MASP1: variants seen among roughly 807,000 people sequenced by gnomAD.
The protein encoded by MASP1 is MBL associated serine protease 1.
In MASP1, 59 loss-of-function variants were observed where a neutral mutation model predicts 77.1. The ratio of observed to expected loss-of-function variants is 0.77; its 90% CI spans 0.62 to 0.95. MASP1 has a LOEUF of 0.95. Among genes scored for constraint, MASP1 ranks in the 40% least tolerant of loss-of-function variants. MASP1 has a pLI of 0.00. For synonymous variants in MASP1, 362 were observed against 354.5 expected, an observed-to-expected ratio of 1.02 and a Z score of -0.24; for missense variants, 885 against 912.9, an observed-to-expected ratio of 0.97 and a Z score of 0.39.
At chr3:187,258,796 T>C (rs1052768306) in intron 4 of MASP1, among the ~76,000 whole-genome samples, 3 of 152,222 alleles carry the variant, frequency 2.0e-5, no homozygotes, top group African/African-American at 7.2e-5. Flanking sequence ...ATTTGGCTGT[T>C]TCTGTACCTG....
chr3:187,224,315 A>T (rs1682068025), intron 13 of MASP1, among the ~76,000 whole-genome samples: 1 of 150,994 alleles, frequency 6.6e-6, no homozygotes, highest in Non-Finnish European at 1.5e-5. Context: ...AAATGGTCAC[A>T]GTGGTGTTTG....
intron 2 of MASP1, among the ~76,000 whole-genome samples, chr3:187,271,277 A>C (rs768158484): frequency 1.3e-5 from 2 of 152,214 alleles, no homozygotes; most frequent in Non-Finnish European, 2.9e-5. Context: ...TTGACTTTGA[A>C]AGTTATCTGT....
intron 4 of MASP1, among the ~76,000 whole-genome samples, chr3:187,259,081 G>C (rs1325171291): frequency 6.6e-6 from 1 of 152,128 alleles, no homozygotes. Flanking sequence ...TTTACTGCAC[G>C]CGAGAATCCA....
intron 2 of MASP1, among the ~76,000 whole-genome samples, chr3:187,274,063 C>G (rs1046042307): frequency 6.6e-6 from 1 of 152,096 alleles, no homozygotes; most frequent in Non-Finnish European, 1.5e-5. Context: ...CAAAAATTAG[C>G]CGGGCGTCCT....
chr3:187,256,852 T>C lies in MASP1; in HGVS notation c.556A>G (p.Ser186Gly), dbSNP rs1317385863. 2 of 1,613,758 alleles carry C rather than the reference T, an allele frequency of 1.2e-6. No individual in the cohort carries two copies. Among genetic ancestry groups the C allele is most frequent in the African/African-American group, 2.7e-5 (2 of 74,840 alleles). ...TDNRTCRVEC[S>G]DNLFTQRTGV... ...GTCCTTTGAGTGAAGAGGTTGTCAC[T>C]GCACTCCACTGTTGGAAACATAATA... is the stretch of plus-strand genomic sequence containing the variant. The change falls in exon 5 of 11, where the codon AGT (serine) becomes GGT (glycine). Residue 186 changes from serine (S) to glycine (G), a missense_variant. Transcript: ENST00000296280.
chr3:187,235,363 G>T lies in MASP1; in HGVS notation c.*321C>A. 3 of 1,415,224 alleles carry T rather than the reference G, an allele frequency of 2.1e-6. No individual in the cohort carries two copies. The highest frequency in any genetic ancestry group is 2.8e-6 in the Non-Finnish European group (3 of 1,071,176). The allele number at this position is 1,415,224 out of a possible 1,614,324, so 87.7% of individuals were successfully genotyped here. A position where few individuals can be genotyped will look rare whatever the true frequency, so the allele number is the denominator to read the frequency against. The stretch of plus-strand genomic sequence containing the variant: ...GTCAGGAGTGAATAAAGGCCACTGG[G>T]GTAAGAAGCATGGCCTGGAAAGGAG... On this transcript the variant is annotated 3_prime_UTR_variant, in exon 11 of 11. Transcript: ENST00000296280.
At chr3:187,227,003 A>G (rs1712475319) in intron 11 of MASP1, among the ~76,000 whole-genome samples, 2 of 152,226 alleles carry the variant, frequency 1.3e-5, no homozygotes, top group Non-Finnish European at 1.5e-5. Flanking sequence ...CTCTCCAGTA[A>G]TTTGTATGCA....
intron 1 of MASP1, among the ~76,000 whole-genome samples, chr3:187,288,944 A>G (rs922018590): frequency 2.0e-5 from 3 of 152,136 alleles, no homozygotes; most frequent in Admixed American, 6.5e-5. Flanking sequence ...ATCTCCCTTC[A>G]TGTAATGGGC....
chr3:187,274,259 G>GT (rs1716771836), intron 2 of MASP1, among the ~76,000 whole-genome samples: 1 of 152,000 alleles, frequency 6.6e-6, no homozygotes, highest in Admixed American at 6.5e-5. Context: ...CTTGTTCTAT[G>GT]TGGAACTTTC....
intron 2 of MASP1, among the ~76,000 whole-genome samples, chr3:187,285,171 G>A (rs572265115): frequency 6.6e-6 from 1 of 151,698 alleles, no homozygotes; most frequent in African/African-American, 2.4e-5. Context: ...TTTTTTTGTG[G>A]GGGGTTCTCT....
chr3:187,235,633 G>A lies in MASP1; in HGVS notation c.*51C>T, dbSNP rs747349576. ...AGTAATGTGGAGTGTGCTGTCGGAAGTGCGGTGTAGCTTCGCTCAGGGGAG... is the reference window on the plus strand; with the variant it reads ...AGTAATGTGGAGTGTGCTGTCGGAAATGCGGTGTAGCTTCGCTCAGGGGAG... On this transcript the variant is annotated 3_prime_UTR_variant, in exon 11 of 11. Transcript: ENST00000296280. The A allele has an allele frequency of 2.9e-5, 47 of 1,610,060 alleles. No homozygotes were observed. The highest frequency in any genetic ancestry group is 3.6e-5 in the Non-Finnish European group (43 of 1,179,942).
intron 12 of MASP1, among the ~76,000 whole-genome samples, chr3:187,226,004 C>T (rs1712405632): frequency 6.6e-6 from 1 of 152,192 alleles, no homozygotes; most frequent in Admixed American, 6.5e-5. Context: ...ATACTGTGTC[C>T]TTAGATCCTG....
At chr3:187,281,848 A>C (rs1404526918) in intron 2 of MASP1, among the ~76,000 whole-genome samples, 1 of 152,226 alleles carries the variant, frequency 6.6e-6, no homozygotes, top group Non-Finnish European at 1.5e-5. Flanking sequence ...CCTGGGGGCC[A>C]CATGGCATAT....
intron 9 of MASP1, chr3:187,241,823 T>C (rs774533084): frequency 2.5e-5 from 10 of 394,276 alleles, no homozygotes; most frequent in Middle Eastern, 8.1e-4. Flanking sequence ...ACCATCCTAG[T>C]CCTTCTATCA....
At chr3:187,274,064 C>T (rs906277186) in intron 2 of MASP1, among the ~76,000 whole-genome samples, 5 of 152,036 alleles carry the variant, frequency 3.3e-5, no homozygotes, top group East Asian at 1.9e-4. Context: ...AAAAATTAGC[C>T]GGGCGTCCTG....
chr3:187,219,522 T>C (rs2108495947), exon 16 of MASP1: 1 of 162,604 alleles, frequency 6.1e-6, no homozygotes, highest in African/African-American at 2.4e-5. Flanking sequence ...GTTGGGCAAG[T>C]TGCACGGTGG....
rs553373545 is a variant in MASP1 at position 187,282,324 on chromosome 3, C to G, written c.237+3501G>C. Among the ~76,000 whole-genome samples, 12 of 152,018 alleles carry G rather than the reference C, an allele frequency of 7.9e-5. No homozygotes were observed. The East Asian group carries it at 2.3e-3, about 29-fold the overall frequency. ...CCATCCTGGCCAACATGGTGAAACCCCGTCTCTGCTAAAATACAAAAAATT... is the reference window on the plus strand; with the variant it reads ...CCATCCTGGCCAACATGGTGAAACCGCGTCTCTGCTAAAATACAAAAAATT... On this transcript the variant is annotated intron_variant, in intron 2 of 10. Coordinates refer to ENST00000296280, the MANE Select transcript of MASP1 (RefSeq NM_139125.4).
chr3:187,284,283 T>A (rs1218126706), intron 2 of MASP1, among the ~76,000 whole-genome samples: 1 of 152,182 alleles, frequency 6.6e-6, no homozygotes, highest in Non-Finnish European at 1.5e-5. Context: ...TAAGAGGGCA[T>A]CATCCCATAT....
At position 187,291,531 on chromosome 3, in the gene MASP1, A is replaced by G. The variant is rs1033994392; in HGVS notation, c.5+97T>C. The G allele has an allele frequency of 2.0e-6, 3 of 1,476,142 alleles. No homozygotes were observed. In the African/African-American group the frequency reaches 4.2e-5, roughly 21 times the overall value. The allele number at this position is 1,476,142 out of a possible 1,614,324, so 91.4% of individuals were successfully genotyped here. ...AGCCCCTCACTACCACATGCAGGAC[A>G]CGCAGGTGAGTCTGTCAGTGACAAG... On this transcript the variant is annotated intron_variant, in intron 1 of 10. Coordinates refer to ENST00000296280, the MANE Select transcript of MASP1 (RefSeq NM_139125.4).
Sources: allele counts gnomAD v4.1 joint callset (sites outside exome capture counted in the v4.1 genomes callset), GRCh38; gene constraint gnomAD v4.1.1; transcripts MANE v1.5; gene names NCBI Gene and HGNC (gene_info 2026-07-23, HGNC 2026-07-21).